The following CDH9 variants were observed in gnomAD, a reference collection of about 807,000 sequenced individuals.
CDH9 encodes the protein cadherin 9.
CDH9 carries 28 observed loss-of-function variants against 70.9 expected under a neutral mutation model. That is an observed-to-expected ratio of 0.40 (90% CI 0.29 to 0.54). The LOEUF (loss-of-function observed/expected upper bound fraction) is 0.54, where lower values mean the gene tolerates loss of function less well. CDH9 is among the 20% of genes least tolerant of loss of function. The pLI is 0.59. For synonymous variants in CDH9, 409 were observed against 343.1 expected (o/e 1.19, Z -2.12); for missense variants, 874 against 984.4 (o/e 0.89, Z 1.50).
chr5:26,962,495 C>CT (rs1742054848), intron 2 of CDH9, among the ~76,000 whole-genome samples: 2 of 152,184 alleles, frequency 1.3e-5, no homozygotes, highest in Admixed American at 6.5e-5. Flanking sequence ...TGTTTCCTGA[C>CT]TTTTTAATGA....
chr5:27,016,718 T>C (rs1272348419), intron 1 of CDH9, among the ~76,000 whole-genome samples: 2 of 151,830 alleles, frequency 1.3e-5, no homozygotes, highest in African/African-American at 4.8e-5. Flanking sequence ...TAAAAATGCA[T>C]TTAAGAGTCA....
At chr5:26,964,065 GAA>G (rs1561020830) in intron 2 of CDH9, among the ~76,000 whole-genome samples, 1 of 152,016 alleles carries the variant, frequency 6.6e-6, no homozygotes, top group African/African-American at 2.4e-5. Context: ...AAAAAATTGT[GAA>G]GAGTATTTTC....
At chr5:27,000,797 C>T (rs1417250743) in intron 1 of CDH9, among the ~76,000 whole-genome samples, 6 of 152,044 alleles carry the variant, frequency 3.9e-5, no homozygotes, top group Non-Finnish European at 1.5e-5. Context: ...AAATTAGCTA[C>T]CAAGTCACCC....
At chr5:26,954,337 C>T (rs891501475) in intron 2 of CDH9, among the ~76,000 whole-genome samples, 4 of 149,536 alleles carry the variant, frequency 2.7e-5, no homozygotes, top group Non-Finnish European at 5.9e-5. Flanking sequence ...AATATTAATC[C>T]TAACTGCAGT....
chr5:27,020,002 G>C (rs1033150706), intron 1 of CDH9, among the ~76,000 whole-genome samples: 1 of 151,712 alleles, frequency 6.6e-6, no homozygotes, highest in African/African-American at 2.4e-5. Flanking sequence ...TTAGAAAGTG[G>C]ACACCACTGG....
chr5:26,935,903 T>C (rs767178589), intron 2 of CDH9, among the ~76,000 whole-genome samples: 12 of 152,248 alleles, frequency 7.9e-5, no homozygotes, highest in Non-Finnish European at 1.6e-4. Flanking sequence ...ATATATACCA[T>C]GGACTACTAC....
chr5:27,024,928 A>G (rs955989722), intron 1 of CDH9, among the ~76,000 whole-genome samples: 1 of 152,056 alleles, frequency 6.6e-6, no homozygotes, highest in South Asian at 2.1e-4. Context: ...CATAAATACC[A>G]TATCACTTAC....
intron 1 of CDH9, among the ~76,000 whole-genome samples, chr5:27,028,876 A>T (rs17566483): frequency 6.6e-6 from 1 of 151,954 alleles, no homozygotes; most frequent in Admixed American, 6.6e-5. Flanking sequence ...GAGAGAGAAG[A>T]TTACTTGAAC....
At chr5:26,899,256 G>A (rs147172315) in intron 7 of CDH9, among the ~76,000 whole-genome samples, 1 of 152,180 alleles carries the variant, frequency 6.6e-6, no homozygotes, top group African/African-American at 2.4e-5. Flanking sequence ...GTAGAAGACA[G>A]TGTGGTGATT....
At chr5:26,996,598 C>T (rs1366052561) in intron 1 of CDH9, among the ~76,000 whole-genome samples, 4 of 151,714 alleles carry the variant, frequency 2.6e-5, no homozygotes, top group Admixed American at 6.6e-5. Context: ...AATCAAATAA[C>T]TTTTGAGGGA....
chr5:27,001,184 C>A (rs1360621079), intron 1 of CDH9, among the ~76,000 whole-genome samples: 5 of 152,006 alleles, frequency 3.3e-5, no homozygotes, highest in African/African-American at 1.2e-4. Flanking sequence ...CAGGCTGTAA[C>A]AAGATAATCT....
chr5:26,937,084 T>G (rs1433832199), intron 2 of CDH9, among the ~76,000 whole-genome samples: 3 of 151,912 alleles, frequency 2.0e-5, no homozygotes, highest in Non-Finnish European at 4.4e-5. Flanking sequence ...AGTGCTAGGG[T>G]AATATAAAGA....
intron 2 of CDH9, among the ~76,000 whole-genome samples, chr5:26,928,736 T>C (rs1434515084): frequency 6.6e-6 from 1 of 151,932 alleles, no homozygotes; most frequent in Admixed American, 6.6e-5. Flanking sequence ...GAATATATGC[T>C]GAGGAAAGGA....
At chr5:26,997,067 T>C (rs1742678204) in intron 1 of CDH9, among the ~76,000 whole-genome samples, 1 of 152,032 alleles carries the variant, frequency 6.6e-6, no homozygotes, top group Non-Finnish European at 1.5e-5. Flanking sequence ...GCTAATGGTT[T>C]ATCAAAATAA....
At chr5:26,886,420 A>G (rs1579661834) in intron 9 of CDH9, among the ~76,000 whole-genome samples, 1 of 152,232 alleles carries the variant, frequency 6.6e-6, no homozygotes. Flanking sequence ...AGTCCATTGT[A>G]TTATTAATTG....
intron 2 of CDH9, among the ~76,000 whole-genome samples, chr5:26,971,010 G>A (rs1228332271): frequency 6.6e-6 from 1 of 152,124 alleles, no homozygotes; most frequent in African/African-American, 2.4e-5. Context: ...AAATGCTTCT[G>A]ACATAGAAGG....
intron 7 of CDH9, among the ~76,000 whole-genome samples, 166 bp downstream of exon 7, chr5:26,902,310 G>T (rs1034686615): frequency 6.6e-6 from 1 of 151,694 alleles, no homozygotes; most frequent in African/African-American, 2.4e-5. Context: ...TACTGTGCTT[G>T]ATTATACATT....
chr5:27,023,019 T>C (rs1301880654), intron 1 of CDH9, among the ~76,000 whole-genome samples: 1 of 152,044 alleles, frequency 6.6e-6, no homozygotes, highest in African/African-American at 2.4e-5. Flanking sequence ...TCAAGCAAAG[T>C]TGTAAATGAC....
At chr5:27,010,926 A>T (rs1001202885) in intron 1 of CDH9, among the ~76,000 whole-genome samples, 6 of 152,154 alleles carry the variant, frequency 3.9e-5, no homozygotes, top group African/African-American at 1.4e-4. Context: ...ATAACACTTT[A>T]TCAACAGGAA....
Sources: gnomAD v4.1 joint callset for allele counts (sites outside exome capture counted in the v4.1 genomes callset) on GRCh38, gnomAD v4.1.1 for gene constraint, MANE v1.5 for transcripts, NCBI Gene and HGNC (gene_info 2026-07-23, HGNC 2026-07-21) for gene names.